Variants in PRKN observed in about 807,000 individuals in gnomAD.
PRKN encodes E3 ubiquitin-protein ligase parkin.
In PRKN, 56 loss-of-function variants were observed where a neutral mutation model predicts 59.5. The ratio of observed to expected loss-of-function variants is 0.94; its 90% CI spans 0.76 to 1.18. PRKN has a LOEUF of 1.18. PRKN is among the 50% of genes most tolerant of loss of function. The pLI is 0.00. For missense variants in PRKN, 657 were observed against 596.4 expected, an observed-to-expected ratio of 1.10 and a Z score of -1.06; for synonymous variants, 250 against 222.1, an observed-to-expected ratio of 1.13 and a Z score of -1.12.
intron 7 of PRKN, among the ~76,000 whole-genome samples, chr6:161,742,352 T>C (rs749129292): frequency 5.9e-5 from 9 of 152,232 alleles, no homozygotes; most frequent in Non-Finnish European, 1.0e-4. Context: ...CTTTGCTTTC[T>C]GCCATGATTG....
chr6:161,872,444 C>T (rs1461729934), intron 6 of PRKN, among the ~76,000 whole-genome samples: 2 of 152,052 alleles, frequency 1.3e-5, no homozygotes, highest in Admixed American at 6.6e-5. Flanking sequence ...ATCAAGTATC[C>T]AATCTGTTCA....
intron 2 of PRKN, among the ~76,000 whole-genome samples, chr6:162,373,892 T>C (rs1264908289): frequency 1.3e-5 from 2 of 152,016 alleles, no homozygotes; most frequent in African/African-American, 2.4e-5. Flanking sequence ...AGAAGACTTA[T>C]GGAAAAAAAA....
At chr6:162,422,604 G>C (rs1027814570) in intron 2 of PRKN, among the ~76,000 whole-genome samples, 2 of 152,048 alleles carry the variant, frequency 1.3e-5, no homozygotes, top group African/African-American at 4.8e-5. Context: ...AATTGAGAGG[G>C]CTCAGGTATC....
chr6:162,598,853 C>CAAAAAAA (rs35219327), intron 1 of PRKN, among the ~76,000 whole-genome samples: 1 of 106,908 alleles, frequency 9.4e-6, no homozygotes. Context: ...ATTCTGTCAC[C>CAAAAAAA]AAAAAAAAAA....
At chr6:162,233,776 G>A (rs1202091178) in intron 3 of PRKN, among the ~76,000 whole-genome samples, 1 of 152,150 alleles carries the variant, frequency 6.6e-6, no homozygotes, top group South Asian at 2.1e-4. Flanking sequence ...TGAGGTCATC[G>A]CAGAGGGGAC....
chr6:161,616,588 T>C (rs1420978569), intron 7 of PRKN, among the ~76,000 whole-genome samples: 3 of 151,766 alleles, frequency 2.0e-5, no homozygotes. Flanking sequence ...CGGGCCCCAG[T>C]GTGTGATGTT....
chr6:161,797,361 G>A (rs566065646), intron 6 of PRKN, among the ~76,000 whole-genome samples: 2 of 152,164 alleles, frequency 1.3e-5, no homozygotes, highest in South Asian at 4.2e-4. Context: ...CTGCCTCCTG[G>A]GTTCAAGTGA....
intron 7 of PRKN, among the ~76,000 whole-genome samples, chr6:161,591,332 C>T (rs1306531054): frequency 6.6e-6 from 1 of 152,124 alleles, no homozygotes; most frequent in Non-Finnish European, 1.5e-5. Context: ...AAAAGTCACT[C>T]AGTATCACTA....
At chr6:161,965,105 C>T (rs754654750) in intron 6 of PRKN, among the ~76,000 whole-genome samples, 1 of 151,982 alleles carries the variant, frequency 6.6e-6, no homozygotes, top group Admixed American at 6.5e-5. Flanking sequence ...AGTCATTCTC[C>T]CCCAGGAACA....
intron 1 of PRKN, among the ~76,000 whole-genome samples, chr6:162,627,228 A>T (rs189708604): frequency 2.6e-4 from 40 of 152,350 alleles, no homozygotes; most frequent in Admixed American, 2.0e-3. Context: ...CTTATGAAGA[A>T]TCTACCATAC....
At chr6:161,374,502 G>C (rs1785574407) in intron 10 of PRKN, among the ~76,000 whole-genome samples, 1 of 143,842 alleles carries the variant, frequency 7.0e-6, no homozygotes, top group Non-Finnish European at 1.5e-5. Context: ...TGGTGTGTGT[G>C]ATGTATGTGT....
intron 6 of PRKN, among the ~76,000 whole-genome samples, chr6:161,833,318 C>T (rs562811057): frequency 1.1e-4 from 16 of 152,106 alleles, no homozygotes; most frequent in Non-Finnish European, 1.8e-4. Context: ...GAGGCCTGAG[C>T]GATTTCCTAA....
At chr6:161,687,388 C>CAAAAAAAA (rs1192587302) in intron 7 of PRKN, among the ~76,000 whole-genome samples, 2 of 51,556 alleles carry the variant, frequency 3.9e-5, no homozygotes, top group African/African-American at 1.8e-4. Context: ...GACTCCATCT[C>CAAAAAAAA]AAAAAAAAAA....
At chr6:161,358,351 C>G (rs1383066956) in intron 11 of PRKN, among the ~76,000 whole-genome samples, 1 of 140,652 alleles carries the variant, frequency 7.1e-6, no homozygotes, top group Non-Finnish European at 1.5e-5. Flanking sequence ...GGCTCACACC[C>G]GTAATCCCAG....
At chr6:161,508,528 T>A (rs1778257594) in intron 9 of PRKN, among the ~76,000 whole-genome samples, 1 of 152,206 alleles carries the variant, frequency 6.6e-6, no homozygotes, top group Non-Finnish European at 1.5e-5. Flanking sequence ...TATTGTAAGA[T>A]CATTTCCATT....
rs533085548 is a variant in PRKN, at chr6:162,207,643, G to C, written c.413-6391C>G. Among the ~76,000 whole-genome samples, 189 of 152,160 alleles carry C rather than the reference G, an allele frequency of 1.2e-3. 3 individuals carry two copies. The highest frequency in any genetic ancestry group is 4.3e-3 in the African/African-American group (179 of 41,516). On this transcript the variant is annotated intron_variant, in intron 3 of 11. Transcript: ENST00000366898. ...AGTGGACCACTCTCTTCAGTTGAAC[G>C]CTTCCTTCCCTCTCCTTCTGAAGGC... is the stretch of plus-strand genomic sequence containing the variant.
At chr6:162,337,226 T>G (rs1783885168) in intron 2 of PRKN, among the ~76,000 whole-genome samples, 1 of 152,162 alleles carries the variant, frequency 6.6e-6, no homozygotes, top group Non-Finnish European at 1.5e-5. Context: ...GCAAGAGGAT[T>G]TCAAATAACC....
At chr6:162,208,495 C>A (rs1371870211) in intron 3 of PRKN, among the ~76,000 whole-genome samples, 2 of 152,100 alleles carry the variant, frequency 1.3e-5, no homozygotes, top group Non-Finnish European at 2.9e-5. Context: ...AAATCTAATA[C>A]CTTTTTCTGA....
chr6:162,026,286 G>C (rs1419853352), intron 5 of PRKN, among the ~76,000 whole-genome samples: 1 of 152,196 alleles, frequency 6.6e-6, no homozygotes, highest in Non-Finnish European at 1.5e-5. Flanking sequence ...AAAATGCGGA[G>C]GCACACGTGT....
Sources: gnomAD v4.1 joint callset for allele counts (sites outside exome capture counted in the v4.1 genomes callset) on GRCh38, gnomAD v4.1.1 for gene constraint, MANE v1.5 for transcripts, NCBI Gene and HGNC (gene_info 2026-07-23, HGNC 2026-07-21) for gene names.